Variants in MGAM observed in about 807,000 individuals in gnomAD.
The protein encoded by MGAM is alpha-1,4-glucosidase.
In MGAM, 253 loss-of-function variants were observed where a neutral mutation model predicts 358.8. The ratio of observed to expected loss-of-function variants is 0.71; its 90% CI spans 0.64 to 0.78. The LOEUF is 0.78. Among genes scored for constraint, MGAM ranks in the 30% least tolerant of loss-of-function variants. The probability of loss-of-function intolerance (pLI) is 0.00; values close to 1 mark genes in which losing one functional copy is unlikely to be tolerated. For missense variants in MGAM, 3,080 were observed against 3,432.6 expected (o/e 0.90, Z 2.57); for synonymous variants, 1,105 against 1,227.1 (o/e 0.90, Z 2.08).
At chr7:141,991,592 A>G (rs374772658), upstream of MGAM, among the ~76,000 whole-genome samples, 1 of 152,034 alleles carries the variant, frequency 6.6e-6, no homozygotes, top group Non-Finnish European at 1.5e-5. Context: ...ACGCGCTACC[A>G]TGCCCAGCTA....
chr7:142,030,826 G>A lies in MGAM; in HGVS notation c.1470+69G>A. 5 of 807,938 alleles carry A rather than the reference G, an allele frequency of 6.2e-6. No homozygotes were observed. The South Asian group carries it at 7.6e-5, about 12-fold the overall frequency. The allele number at this position is 807,938 out of a possible 1,614,324, so 50.0% of individuals were successfully genotyped here. On this transcript the variant is annotated intron_variant, in intron 12 of 70. Coordinates refer to ENST00000475668, the MANE Select transcript of MGAM (RefSeq NM_001365693.1). ...GGGGTGTTTGAATGTGTCTGTGTGT[G>A]TGTGTGTGTGTGTGCATGTAATTGT...
chr7:142,084,276 T>C (rs1452141177), intron 53 of MGAM, among the ~76,000 whole-genome samples: 2 of 146,160 alleles, frequency 1.4e-5, no homozygotes, highest in Admixed American at 6.9e-5. Context: ...CTTAACCAGT[T>C]ACCTACAGTG....
At chr7:142,027,550 C>G in intron 9 of MGAM, 60 bp from the exon 10 acceptor site, 1 of 1,590,400 alleles carries the variant, frequency 6.3e-7, no homozygotes, top group Non-Finnish European at 8.6e-7. Flanking sequence ...AGCAATGCTT[C>G]GAAAAATTTT....
rs551298101 is a variant in MGAM, at chr7:142,059,783, G to T, written c.3949-73G>T. ...AGAAGCCAGCGAGTTCACCCTTGAGGAGTTCTCCTTCATTCTGTTTCTCCT... is the reference window on the plus strand; with the variant it reads ...AGAAGCCAGCGAGTTCACCCTTGAGTAGTTCTCCTTCATTCTGTTTCTCCT... On this transcript the variant is annotated intron_variant, in intron 32 of 70. Coordinates refer to ENST00000475668, the MANE Select transcript of MGAM (RefSeq NM_001365693.1). 16 of 1,574,082 alleles carry T rather than the reference G, an allele frequency of 1.0e-5. No homozygotes were observed. The South Asian group carries it at 1.6e-4, about 16-fold the overall frequency.
intron 10 of MGAM, 84 bp from the exon 11 acceptor site, chr7:142,030,278 C>A: frequency 2.4e-5 from 33 of 1,373,524 alleles, no homozygotes; most frequent in Middle Eastern, 2.3e-4. Flanking sequence ...AGTTGTTTAT[C>A]CTGAATAATA....
intron 12 of MGAM, 85 bp from the exon 13 acceptor site, chr7:142,031,595 A>G (rs1807498239): frequency 4.4e-6 from 4 of 911,262 alleles, no homozygotes; most frequent in Admixed American, 2.3e-5. Context: ...CTGTGATCAT[A>G]TTAGGAATTT....
In MGAM at chr7:142,047,740, A is replaced by G. The variant is rs1404308076; in HGVS notation, c.2499-45A>G. 5 of 1,559,992 alleles carry G rather than the reference A, an allele frequency of 3.2e-6. No homozygotes were observed. In the South Asian group the frequency reaches 3.3e-5, roughly 10 times the overall value. On this transcript the variant is annotated intron_variant, in intron 21 of 70. Coordinates refer to ENST00000475668, the MANE Select transcript of MGAM (RefSeq NM_001365693.1). ...AAATATTCTCAGCTCGGCTGGCAAA[A>G]TTCTCTGACTCCTGTCTTTGTGTCT... is the stretch of plus-strand genomic sequence containing the variant.
At chr7:142,061,542 A>T (rs1201182742) in intron 34 of MGAM, among the ~76,000 whole-genome samples, 1 of 151,972 alleles carries the variant, frequency 6.6e-6, no homozygotes, top group African/African-American at 2.4e-5. Context: ...CCCTTTTTCT[A>T]GACATCTGGG....
At position 142,027,187 on chromosome 7, in the gene MGAM, T is replaced by A. The variant is rs1379655096; in HGVS notation, c.1055T>A (p.Leu352Ter). The A allele has an allele frequency of 1.2e-6, 2 of 1,613,594 alleles. No individual in the cohort carries two copies. The highest frequency in any genetic ancestry group is 1.7e-6 in the Non-Finnish European group (2 of 1,179,646). ...IGGILDFYVF[L>*]GNTPEQVVQE... ...GGCATTCTCGACTTCTATGTGTTCT[T>A]GGGAAACACTCCAGAGCAAGTTGTT... The change falls in exon 9 of 71, where the codon TTG (leucine) becomes TAG (stop). Residue 352 changes from leucine (L) to a stop codon, truncating the protein, a stop_gained. Coordinates refer to ENST00000475668, the MANE Select transcript of MGAM (RefSeq NM_001365693.1). LOFTEE classifies it high-confidence loss of function.
At chr7:142,102,488 CAAA>C in intron 68 of MGAM, 139 bp from the exon 69 acceptor site, 2 of 795,096 alleles carry the variant, frequency 2.5e-6, no homozygotes, top group African/African-American at 1.7e-5. Context: ...ATAGAACACT[CAAA>C]AGACAGAAAT....
upstream of MGAM, among the ~76,000 whole-genome samples, chr7:141,991,211 T>C (rs927882090): frequency 1.3e-5 from 2 of 152,202 alleles, no homozygotes; most frequent in Non-Finnish European, 2.9e-5. Flanking sequence ...GCATAGAACA[T>C]AGGCCACAGT....
Position 142,074,849 on chromosome 7 carries a change from C to T in MGAM, c.5275+676C>T, listed in dbSNP as rs80353956. 5.0e-3 allele frequency among the ~76,000 whole-genome samples: 727 copies of T among 146,212 alleles called. 29 individuals carry two copies. Among genetic ancestry groups the T allele is most frequent in the African/African-American group, 0.016 (679 of 41,166 alleles). ...AAAGATTGAATATATTTAAGGTGGA[C>T]GATGTGAGGATTTAATATATGTAGG... On this transcript the variant is annotated intron_variant, in intron 45 of 70. Transcript: ENST00000475668.
rs887250948 is a variant in MGAM, at chr7:142,076,732, T to A, written c.5399T>A (p.Ile1800Asn). 54 of 1,553,238 alleles carry A rather than the reference T, an allele frequency of 3.5e-5. 10 individuals carry two copies. The highest frequency in any genetic ancestry group is 7.9e-5 in the South Asian group (7 of 89,120). ...PNNLAFNEIK[I>N]LGMEEPSNVT... Reference sequence around the variant, plus strand: ...AATTTAGCATTCAATGAGATTAAAATTCTTGGGATGGAGGAACCTAGCAAT... The same window carrying A: ...AATTTAGCATTCAATGAGATTAAAAATCTTGGGATGGAGGAACCTAGCAAT... The change falls in exon 47 of 71, where the codon ATT (isoleucine) becomes AAT (asparagine). Residue 1800 changes from isoleucine (I) to asparagine (N), a missense_variant. Transcript: ENST00000475668.
At chr7:142,017,706 T>C (rs1375539188) in intron 3 of MGAM, among the ~76,000 whole-genome samples, 2 of 152,210 alleles carry the variant, frequency 1.3e-5, no homozygotes, top group Admixed American at 1.3e-4. Flanking sequence ...TGACACCTGA[T>C]CTTACGGCAG....
At chr7:142,093,944 C>T (rs1815643854) in intron 60 of MGAM, among the ~76,000 whole-genome samples, 1 of 145,328 alleles carries the variant, frequency 6.9e-6, no homozygotes, top group African/African-American at 2.4e-5. Flanking sequence ...TTTTGTTTTT[C>T]ACCATTCTTG....
chr7:142,046,112 A>G (rs1585001689), intron 21 of MGAM, among the ~76,000 whole-genome samples: 1 of 140,322 alleles, frequency 7.1e-6, no homozygotes, highest in South Asian at 2.1e-4. Context: ...TTATTTTTAT[A>G]TTTATATATT....
chr7:142,023,725 C>G (rs984196295), intron 7 of MGAM, among the ~76,000 whole-genome samples: 23 of 151,944 alleles, frequency 1.5e-4, no homozygotes, highest in Non-Finnish European at 2.9e-4. Flanking sequence ...AATCCCTACT[C>G]TGTGTAATTT....
At position 142,088,996 on chromosome 7, in the gene MGAM, G is replaced by GTATATATCTATC. The variant is rs771119657; in HGVS notation, c.6810+2282_6810+2283insATATCTATCTAT. Among the ~76,000 whole-genome samples the GTATATATCTATC allele has an allele frequency of 1.1e-3, 132 of 118,046 alleles. 7 individuals are homozygous for GTATATATCTATC. The highest frequency in any genetic ancestry group is 3.4e-3 in the African/African-American group (118 of 34,592). The allele number at this position is 118,046 out of a possible 152,430, so 77.4% of individuals were successfully genotyped here. On this transcript the variant is annotated intron_variant, in intron 57 of 70. Transcript: ENST00000475668. ...TGTATGTATGTATGTATGTATGTATGTATCTATCTATCTATCTATCTATCT... is the reference window on the plus strand; with the variant it reads ...TGTATGTATGTATGTATGTATGTATGTATATATCTATCTATCTATCTATCTATCTATCTATCT...
chr7:142,044,147 C>T (rs1584987589), intron 21 of MGAM, among the ~76,000 whole-genome samples: 1 of 140,954 alleles, frequency 7.1e-6, no homozygotes, highest in East Asian at 2.1e-4. Context: ...ACATTATATA[C>T]ACATACGACG....
Sources: allele counts gnomAD v4.1 joint callset (sites outside exome capture counted in the v4.1 genomes callset), GRCh38; gene constraint gnomAD v4.1.1; transcripts MANE v1.5; gene names NCBI Gene and HGNC (gene_info 2026-07-23, HGNC 2026-07-21).